Variants in NSD3 observed in about 807,000 individuals in gnomAD.
NSD3 encodes histone-lysine N-methyltransferase NSD3.
A neutral mutation model predicts 160.8 loss-of-function variants in NSD3; 24 were observed. The observed-to-expected ratio is 0.15, with a 90% CI of 0.11 to 0.21. The LOEUF is 0.21. Among genes scored for constraint, NSD3 ranks in the 10% least tolerant of loss-of-function variants. The probability of loss-of-function intolerance (pLI) is 1.00; values close to 1 mark genes in which losing one functional copy is unlikely to be tolerated. For missense variants in NSD3, 1,157 were observed against 1,735.9 expected (o/e 0.67, Z 5.93); for synonymous variants, 520 against 600.0 (o/e 0.87, Z 1.95).
chr8:38,310,203 C>A (rs567731526), intron 12 of NSD3, among the ~76,000 whole-genome samples: 10 of 152,280 alleles, frequency 6.6e-5, no homozygotes, highest in African/African-American at 2.4e-4. Flanking sequence ...CATCTCACCT[C>A]CCCTACAACC....
intron 19 of NSD3, among the ~76,000 whole-genome samples, chr8:38,283,013 G>A (rs1488181747): frequency 6.6e-6 from 1 of 152,200 alleles, no homozygotes; most frequent in Non-Finnish European, 1.5e-5. Flanking sequence ...TATGGTGAGT[G>A]TATGTTTCCT....
In NSD3 at chr8:38,329,759, T is replaced by C. The variant is rs967127997; in HGVS notation, c.1200A>G (p.Glu400=). 5.0e-6 allele frequency: 8 copies of C among 1,614,118 alleles called. No individual in the cohort carries two copies. In the African/African-American group the frequency reaches 9.3e-5, roughly 19 times the overall value. The change falls in exon 6 of 24, where the codon GAA becomes GAG. Residue 400 remains glutamate, a synonymous_variant. Transcript: ENST00000317025. This position sits in a 1 kb window ranked among gnomAD's most constrained non-coding sequence, Gnocchi z 4.8. The part of the protein sequence containing the change: ...YTFIYIDKQP[E]EALSQAKKSV... ...TCTTTTTTGCTTGGGATAAAGCCTC[T>C]TCAGGCTGTTTATCAATGTAAATAA...
In NSD3 at chr8:38,307,499, A is replaced by G. The variant is rs533417360; in HGVS notation, c.2243-2054T>C. On this transcript the variant is annotated intron_variant, in intron 12 of 23. Coordinates refer to ENST00000317025, the MANE Select transcript of NSD3 (RefSeq NM_023034.2). ...CTGGGGAAGACTGAGAGTAAATGTT[A>G]AAGGATGTTGCCTGAAACATTGTTT... 2.0e-5 allele frequency among the ~76,000 whole-genome samples: 3 copies of G among 152,344 alleles called. No homozygotes were observed. In the South Asian group the frequency reaches 6.2e-4, roughly 32 times the overall value.
chr8:38,275,566 T>C lies in NSD3; in HGVS notation c.*75A>G. The stretch of plus-strand genomic sequence containing the variant: ...CCGATGGCAAAGGCTGTATGCACTG[T>C]AGCAGTCTCTTCTTTTTAAATGCAT... On this transcript the variant is annotated 3_prime_UTR_variant, in exon 24 of 24. Coordinates refer to ENST00000317025, the MANE Select transcript of NSD3 (RefSeq NM_023034.2). The C allele has an allele frequency of 7.1e-7, 1 of 1,402,346 alleles. No individual in the cohort carries two copies. The highest frequency in any genetic ancestry group is 2.4e-5 in the East Asian group (1 of 41,040). 86.9% of individuals were successfully genotyped at this position (1,402,346 alleles called of 1,614,324 possible).
intron 7 of NSD3, among the ~76,000 whole-genome samples, chr8:38,325,126 G>T (rs76109222): frequency 6.6e-6 from 1 of 152,330 alleles, no homozygotes; most frequent in East Asian, 1.9e-4. Flanking sequence ...TAGCTGGTCA[G>T]TCAGAAGCTC....
At position 38,317,975 on chromosome 8, in the gene NSD3, A is replaced by T; in HGVS notation, c.1855+920T>A. 1 of 1,614,196 alleles carries T rather than the reference A, an allele frequency of 6.2e-7. No homozygotes were observed. The highest frequency in any genetic ancestry group is 1.1e-5 in the South Asian group (1 of 91,090). ...GGAATCTCAGTCCACAGTTTCCTCAATCGCTGCGGAGACGGAGCTGTCACT... is the reference window on the plus strand; with the variant it reads ...GGAATCTCAGTCCACAGTTTCCTCATTCGCTGCGGAGACGGAGCTGTCACT... On this transcript the variant is annotated intron_variant, in intron 9 of 23. Coordinates refer to ENST00000317025, the MANE Select transcript of NSD3 (RefSeq NM_023034.2). This position sits in a 1 kb window ranked among gnomAD's most constrained non-coding sequence, Gnocchi z 5.3.
intron 1 of NSD3, among the ~76,000 whole-genome samples, chr8:38,378,458 C>T (rs941653708): frequency 5.9e-5 from 9 of 151,938 alleles, no homozygotes; most frequent in South Asian, 2.1e-4. Flanking sequence ...TGGCTAACAC[C>T]GTGAAACCCT....
chr8:38,290,944 G>T (rs1213299593), intron 16 of NSD3, among the ~76,000 whole-genome samples: 1 of 152,020 alleles, frequency 6.6e-6, no homozygotes, highest in Non-Finnish European at 1.5e-5. Flanking sequence ...GTTCTAAAAT[G>T]TAATAATACT....
In NSD3 at chr8:38,295,942, C is replaced by G; in HGVS notation, c.2769G>C (p.Leu923Phe). ...AAGCTGGGCACGATTCACAGCAGAG[C>G]AATCTTCCACCTTGAAACAAATAAA... ...SKKKCEKGGR[L>F]LCCESCPASF... Residue 923 changes from leucine to phenylalanine, a missense_variant, in exon 16 of 24, where the codon TTG (leucine) becomes TTC (phenylalanine). Physicochemically the swap from Leu to Phe is conservative, Grantham distance 22. Around this residue, in one of 10 missense-constraint regions of NSD3, gnomAD observed 437 missense variants for 576.6 expected, o/e 0.76. Transcript: ENST00000317025. 1 of 1,609,722 alleles carries G rather than the reference C, an allele frequency of 6.2e-7. No individual in the cohort carries two copies. Among genetic ancestry groups the G allele is most frequent in the Non-Finnish European group, 8.5e-7 (1 of 1,178,576 alleles).
Position 38,316,610 on chromosome 8 carries a change from A to G in NSD3, c.1856-568T>C. Reference sequence around the variant, plus strand: ...TCTGAGACTTCCTTGGTGAAGTGGCATTTATTGTGACCATTAACAAGCGCT... The same window carrying G: ...TCTGAGACTTCCTTGGTGAAGTGGCGTTTATTGTGACCATTAACAAGCGCT... On this transcript the variant is annotated intron_variant, in intron 9 of 23. Transcript: ENST00000317025. The surrounding 1 kb of genome is among the most constrained non-coding windows in gnomAD (Gnocchi z 4.5). 9.5e-7 allele frequency: 1 copy of G among 1,052,588 alleles called. No homozygotes were observed. Among genetic ancestry groups the G allele is most frequent in the South Asian group, 4.6e-5 (1 of 21,916 alleles). The allele number at this position is 1,052,588 out of a possible 1,614,324, so 65.2% of individuals were successfully genotyped here.
At chr8:38,349,332 TTTTTC>T (rs1330802803) in intron 1 of NSD3, among the ~76,000 whole-genome samples, 5 of 152,172 alleles carry the variant, frequency 3.3e-5, no homozygotes, top group South Asian at 2.1e-4. Flanking sequence ...TTTTTACTTA[TTTTTC>T]TTTTCTTTTC....
At chr8:38,361,754 C>CAAAAAA (rs756700150) in intron 1 of NSD3, among the ~76,000 whole-genome samples, 2 of 31,154 alleles carry the variant, frequency 6.4e-5, no homozygotes, top group African/African-American at 1.2e-4. Flanking sequence ...GACTCCGTCT[C>CAAAAAA]AAAAAAAAAA....
chr8:38,275,947 A>G, intron 23 of NSD3, 65 bp from the exon 24 acceptor site: 2 of 1,427,790 alleles, frequency 1.4e-6, no homozygotes, highest in Non-Finnish European at 1.9e-6. Flanking sequence ...TTGATTACCC[A>G]TGAAAAACCC....
chr8:38,305,134 G>T, intron 13 of NSD3, 114 bp downstream of exon 13: 2 of 1,064,814 alleles, frequency 1.9e-6, no homozygotes, highest in Non-Finnish European at 2.7e-6. Context: ...AACTGTTAAA[G>T]CTAGAGATAC....
chr8:38,340,357 CAG>C lies in NSD3; in HGVS notation c.676-1752_676-1751del, dbSNP rs562552163. 1.6e-4 allele frequency among the ~76,000 whole-genome samples: 24 copies of C among 152,178 alleles called. No individual in the cohort carries two copies. The South Asian group carries it at 2.7e-3, about 17-fold the overall frequency. ...TAAAAAGGTTTTTGTTTTTTTGAGA[CAG>C]AGTCTTACTCTGCTGTTGCCTAGGC... On this transcript the variant is annotated intron_variant, in intron 2 of 23. Coordinates refer to ENST00000317025, the MANE Select transcript of NSD3 (RefSeq NM_023034.2).
intron 14 of NSD3, among the ~76,000 whole-genome samples, chr8:38,300,100 T>C (rs1363470443): frequency 6.6e-6 from 1 of 152,064 alleles, no homozygotes; most frequent in African/African-American, 2.4e-5. Flanking sequence ...AAATCCTAAC[T>C]TTCTCTGCCA....
At chr8:38,292,585 A>C (rs1445546819) in intron 16 of NSD3, among the ~76,000 whole-genome samples, 1 of 151,914 alleles carries the variant, frequency 6.6e-6, no homozygotes, top group Non-Finnish European at 1.5e-5. Context: ...GATCGAGACC[A>C]TCCTGGCCAA....
At chr8:38,287,685 C>T (rs1307747567) in intron 19 of NSD3, among the ~76,000 whole-genome samples, 1 of 149,912 alleles carries the variant, frequency 6.7e-6, no homozygotes, top group Non-Finnish European at 1.5e-5. Context: ...TGGAGTCTCG[C>T]TCTGTCACCC....
chr8:38,299,661 C>G, intron 14 of NSD3, 71 bp from the exon 15 acceptor site: 1 of 1,422,406 alleles, frequency 7.0e-7, no homozygotes, highest in Non-Finnish European at 9.3e-7. Context: ...AAAAATAAAC[C>G]AACACCTATT....
Sources: gnomAD v4.1 joint callset for allele counts (sites outside exome capture counted in the v4.1 genomes callset) on GRCh38, gnomAD v4.1.1 for gene constraint, gnomAD v4.1.1 regional missense constraint, Gnocchi (gnomAD v3.1) non-coding constraint, MANE v1.5 for transcripts, NCBI Gene and HGNC (gene_info 2026-07-23, HGNC 2026-07-21) for gene names.